Variants in GRID2 observed in about 807,000 individuals in gnomAD.
The protein encoded by GRID2 is glutamate receptor ionotropic, delta-2.
A neutral mutation model predicts 114.8 loss-of-function variants in GRID2; 33 were observed. The ratio of observed to expected loss-of-function variants is 0.29; its 90% CI spans 0.22 to 0.38. The LOEUF (loss-of-function observed/expected upper bound fraction) is 0.38. Among genes scored for constraint, GRID2 ranks in the 10% least tolerant of loss-of-function variants. GRID2 has a pLI of 1.00. For synonymous variants in GRID2, 505 were observed against 449.9 expected, an observed-to-expected ratio of 1.12 and a Z score of -1.55; for missense variants, 1,184 against 1,257.7, an observed-to-expected ratio of 0.94 and a Z score of 0.89.
In GRID2 at chr4:92,700,996, A is replaced by AAAAACAAAAC. The variant is rs796324442; in HGVS notation, c.244+110714_244+110715insCAAAACAAAA. Among the ~76,000 whole-genome samples, 251 of 149,366 alleles carry AAAAACAAAAC rather than the reference A, an allele frequency of 1.7e-3. 1 individual carries two copies. The highest frequency in any genetic ancestry group is 5.9e-3 in the African/African-American group (239 of 40,472). On this transcript the variant is annotated intron_variant, in intron 2 of 15. Transcript: ENST00000282020. ...GCGACAGAGCGAGACTCCATCTCAA[A>AAAAACAAAAC]AAAAAAAAAAAAAAGACACATACAT...
At chr4:92,533,459 ACATACAT>A in intron 1 of GRID2, among the ~76,000 whole-genome samples, 1 of 151,322 alleles carries the variant, frequency 6.6e-6, no homozygotes, top group Non-Finnish European at 1.5e-5. Flanking sequence ...ATACATACAT[ACATACAT>A]ACATACATAC....
intron 1 of GRID2, among the ~76,000 whole-genome samples, chr4:92,553,122 C>T (rs1726677584): frequency 1.3e-5 from 2 of 152,120 alleles, no homozygotes. Context: ...TAATTTTTCT[C>T]CTTCGAAATT....
At chr4:93,637,746 ATCT>A (rs775416437) in intron 14 of GRID2, among the ~76,000 whole-genome samples, 1 of 152,088 alleles carries the variant, frequency 6.6e-6, no homozygotes, top group Non-Finnish European at 1.5e-5. Context: ...CCTTCCTCTC[ATCT>A]TCTTTTGCTA....
intron 8 of GRID2, among the ~76,000 whole-genome samples, chr4:93,303,812 T>C (rs1283220568): frequency 6.6e-6 from 1 of 152,164 alleles, no homozygotes; most frequent in Non-Finnish European, 1.5e-5. Context: ...TACTCATACA[T>C]CTTATGAGTT....
At chr4:93,806,190 T>A (rs1056889972) in intron 1 of GRID2, among the ~76,000 whole-genome samples, 1 of 152,268 alleles carries the variant, frequency 6.6e-6, no homozygotes, top group Non-Finnish European at 1.5e-5. Flanking sequence ...ATAAACATAG[T>A]ACAATTTATA....
chr4:93,500,475 G>T (rs1221549638), intron 12 of GRID2, among the ~76,000 whole-genome samples: 2 of 151,678 alleles, frequency 1.3e-5, no homozygotes, highest in Non-Finnish European at 2.9e-5. Context: ...TATATTAATT[G>T]TTCCTTTGAG....
Position 92,606,007 on chromosome 4 carries a change from C to G in GRID2, c.244+15721C>G, listed in dbSNP as rs1408876527. 2.2e-5 allele frequency among the ~76,000 whole-genome samples: 3 copies of G among 138,346 alleles called. No homozygotes were observed. The East Asian group carries it at 7.1e-4, about 33-fold the overall frequency. 90.8% of individuals were successfully genotyped at this position (138,346 alleles called of 152,430 possible). On this transcript the variant is annotated intron_variant, in intron 2 of 15. Transcript: ENST00000282020. The stretch of plus-strand genomic sequence containing the variant: ...GAATTTAATTATGGAAACATAAGAG[C>G]TTTTCCTGTAAGTGTTCTTCTTTCC...
Position 93,650,698 on chromosome 4 carries a change from A to G in GRID2, c.2360+24263A>G, listed in dbSNP as rs551424508. ...TTTGGGATGTTTTATGCAGAATGCT[A>G]CGTCCTAGTTTAAATCTAAGAACTC... On this transcript the variant is annotated intron_variant, in intron 14 of 15. Transcript: ENST00000282020. Among the ~76,000 whole-genome samples, 14 of 152,318 alleles carry G rather than the reference A, an allele frequency of 9.2e-5. No homozygotes were observed. In the South Asian group the frequency reaches 2.9e-3, roughly 32 times the overall value.
intron 14 of GRID2, among the ~76,000 whole-genome samples, chr4:93,685,106 T>C (rs1266459202): frequency 6.6e-6 from 1 of 152,056 alleles, no homozygotes; most frequent in Non-Finnish European, 1.5e-5. Context: ...AAAATGCCTC[T>C]CCTGGCTTAT....
chr4:93,028,577 T>C (rs1451808637), intron 2 of GRID2, among the ~76,000 whole-genome samples: 3 of 152,038 alleles, frequency 2.0e-5, no homozygotes, highest in Non-Finnish European at 4.4e-5. Flanking sequence ...CAAATCTAAT[T>C]TGGAATCTTT....
chr4:92,805,106 T>G (rs1740347737), intron 2 of GRID2, among the ~76,000 whole-genome samples: 1 of 152,042 alleles, frequency 6.6e-6, no homozygotes, highest in South Asian at 2.1e-4. Flanking sequence ...TATCTCATTT[T>G]CTACATGATG....
chr4:93,314,302 TC>T (rs1448520841), intron 8 of GRID2, among the ~76,000 whole-genome samples: 4 of 43,112 alleles, frequency 9.3e-5, no homozygotes, highest in African/African-American at 2.2e-4. Context: ...AGAGTCTGTC[TC>T]AAAAAAAAAA....
intron 14 of GRID2, among the ~76,000 whole-genome samples, chr4:93,660,063 T>A (rs6819773): frequency 0.04 from 6,037 of 151,794 alleles, 200 homozygotes; most frequent in African/African-American, 0.094. Flanking sequence ...AAAAAAAAAA[T>A]TTTTATAGAA....
intron 7 of GRID2, among the ~76,000 whole-genome samples, chr4:93,227,201 T>C (rs1041261675): frequency 6.6e-6 from 1 of 152,132 alleles, no homozygotes; most frequent in African/African-American, 2.4e-5. Flanking sequence ...TAGCAAATAG[T>C]ACTTGACTGC....
intron 1 of GRID2, among the ~76,000 whole-genome samples, chr4:92,356,480 G>A (rs1395742639): frequency 6.6e-6 from 1 of 151,284 alleles, no homozygotes; most frequent in African/African-American, 2.4e-5. Context: ...ACTGATTTAT[G>A]AGATTCTCAG....
intron 2 of GRID2, among the ~76,000 whole-genome samples, chr4:92,700,993 CAA>C (rs781142253): frequency 2.3e-4 from 19 of 83,802 alleles, no homozygotes; most frequent in Admixed American, 2.4e-4. Flanking sequence ...GACTCCATCT[CAA>C]AAAAAAAAAA....
chr4:93,460,136 C>T (rs1459632730), intron 11 of GRID2, among the ~76,000 whole-genome samples: 2 of 152,180 alleles, frequency 1.3e-5, no homozygotes, highest in Non-Finnish European at 2.9e-5. Flanking sequence ...GTTATCCATG[C>T]CATGGAAAGA....
intron 3 of GRID2, among the ~76,000 whole-genome samples, chr4:93,102,932 A>G (rs1731838317): frequency 6.6e-6 from 1 of 152,000 alleles, no homozygotes; most frequent in Non-Finnish European, 1.5e-5. Flanking sequence ...AATGATTTAT[A>G]AAGGCTTTAC....
intron 14 of GRID2, among the ~76,000 whole-genome samples, chr4:93,689,913 G>A (rs142464978): frequency 0.018 from 2,723 of 151,930 alleles, 35 homozygotes; most frequent in Non-Finnish European, 0.024. Flanking sequence ...TACAAATTTG[G>A]AAAATACAGA....
Sources: allele counts gnomAD v4.1 joint callset (sites outside exome capture counted in the v4.1 genomes callset), GRCh38; gene constraint gnomAD v4.1.1; transcripts MANE v1.5; gene names NCBI Gene and HGNC (gene_info 2026-07-23, HGNC 2026-07-21).